LMBR1: variants seen among roughly 807,000 people sequenced by gnomAD.
The protein encoded by LMBR1 is limb region 1 protein homolog.
A neutral mutation model predicts 73.9 loss-of-function variants in LMBR1; 52 were observed. That is an observed-to-expected ratio of 0.70 (90% CI 0.56 to 0.89). LMBR1 has a LOEUF of 0.89. Ranked by LOEUF, LMBR1 falls within the 40% of genes least tolerant of loss-of-function variation. The pLI is 0.00. For missense variants in LMBR1, 539 were observed against 579.8 expected (o/e 0.93, Z 0.72); for synonymous variants, 215 against 209.4 (o/e 1.03, Z -0.23).
chr7:156,864,666 A>G (rs568180733), intron 1 of LMBR1, among the ~76,000 whole-genome samples: 2 of 152,346 alleles, frequency 1.3e-5, no homozygotes, highest in East Asian at 3.9e-4. Flanking sequence ...TTAATTTTCT[A>G]AACCTAGCAA....
chr7:156,809,610 C>CT (rs1231630282), intron 4 of LMBR1, among the ~76,000 whole-genome samples: 1 of 152,162 alleles, frequency 6.6e-6, no homozygotes, highest in Non-Finnish European at 1.5e-5. Context: ...ACACAACCAT[C>CT]TTTTTTTCCA....
intron 15 of LMBR1, among the ~76,000 whole-genome samples, chr7:156,723,268 T>C (rs1170654145): frequency 6.6e-6 from 1 of 152,170 alleles, no homozygotes; most frequent in Non-Finnish European, 1.5e-5. Context: ...CTTCAATAAA[T>C]AATGGAGGCA....
chr7:156,802,119 A>G (rs940091665), intron 4 of LMBR1, among the ~76,000 whole-genome samples: 4 of 152,048 alleles, frequency 2.6e-5, no homozygotes, highest in African/African-American at 2.4e-5. Flanking sequence ...AGTAGCTGGG[A>G]TAACAGGCAC....
chr7:156,788,397 G>A (rs1400181399), intron 5 of LMBR1, among the ~76,000 whole-genome samples: 5 of 152,244 alleles, frequency 3.3e-5, no homozygotes, highest in Non-Finnish European at 7.4e-5. Context: ...AAACATCAGT[G>A]TACCTTTTAT....
rs571805524 is a variant in LMBR1, at chr7:156,867,814, T to G, written c.66+25114A>C. The stretch of plus-strand genomic sequence containing the variant: ...GGATGACTGCTACTGAACATAGGGT[T>G]TGTCTCTGAGATAATGAAAATGTTC... On this transcript the variant is annotated intron_variant, in intron 1 of 16. Coordinates refer to ENST00000353442, the MANE Select transcript of LMBR1 (RefSeq NM_022458.4). 2.0e-5 allele frequency among the ~76,000 whole-genome samples: 3 copies of G among 152,324 alleles called. No homozygotes were observed. The East Asian group carries it at 5.8e-4, about 29-fold the overall frequency.
chr7:156,768,376 GTAAA>G (rs1167824020), intron 5 of LMBR1, among the ~76,000 whole-genome samples: 1 of 151,874 alleles, frequency 6.6e-6, no homozygotes, highest in Non-Finnish European at 1.5e-5. Context: ...AAACAAAAAA[GTAAA>G]TAAATAAATA....
At chr7:156,736,533 T>C (rs1456510456) in intron 9 of LMBR1, 1 of 456,838 alleles carries the variant, frequency 2.2e-6, no homozygotes, top group Non-Finnish European at 4.4e-6. Flanking sequence ...GAATCCATTT[T>C]CCCAAAAGTA....
At chr7:156,758,243 G>A (rs1434595884) in intron 8 of LMBR1, among the ~76,000 whole-genome samples, 1 of 152,216 alleles carries the variant, frequency 6.6e-6, no homozygotes, top group Non-Finnish European at 1.5e-5. Context: ...TGGGGGCCTT[G>A]ATCCAAAGTT....
chr7:156,876,157 C>T (rs1279231522), intron 1 of LMBR1, among the ~76,000 whole-genome samples: 1 of 152,064 alleles, frequency 6.6e-6, no homozygotes, highest in Non-Finnish European at 1.5e-5. Context: ...CAGAAGTGAG[C>T]AGTAGTAGCT....
At chr7:156,675,936 G>C (rs964904765), downstream of LMBR1, 3 of 1,457,714 alleles carry the variant, frequency 2.1e-6, no homozygotes, top group Admixed American at 1.7e-5. Context: ...GTGGCATGTG[G>C]GGGGAGGTCG....
Position 156,833,756 on chromosome 7 carries a change from A to G in LMBR1, c.176T>C (p.Ile59Thr). 1 of 1,599,408 alleles carries G rather than the reference A, an allele frequency of 6.3e-7. No individual in the cohort carries two copies. The highest frequency in any genetic ancestry group is 8.5e-7 in the Non-Finnish European group (1 of 1,172,580). The change falls in exon 3 of 17, where the codon ATT (isoleucine) becomes ACT (threonine). Residue 59 changes from isoleucine (I) to threonine (T), a missense_variant. Physicochemically the swap from Ile to Thr is moderately conservative, Grantham distance 89. This residue lies in a region of LMBR1 where 454 missense variants were observed against 473.4 expected (regional missense o/e 0.96). Transcript: ENST00000353442. ...QEDEDAIVNRISLFLSTFTLA... is the reference protein window; with the variant it reads ...QEDEDAIVNRTSLFLSTFTLA... ...AACTGAACTTTAAAATACATACGAA[A>G]TCCTGTTGACGATGGCATCTTCATC...
At chr7:156,671,368 TATACAC>T (rs1802470136) in intron 4 of LMBR1, among the ~76,000 whole-genome samples, 1 of 152,150 alleles carries the variant, frequency 6.6e-6, no homozygotes, top group Non-Finnish European at 1.5e-5. Context: ...TGTACTATAA[TATACAC>T]ATAAGCTCTT....
rs1163662744 is a variant in LMBR1 at position 156,682,885 on chromosome 7, A to G, written c.*1193T>C. 4 of 152,162 alleles carry G rather than the reference A, an allele frequency of 2.6e-5. No homozygotes were observed. Among genetic ancestry groups the G allele is most frequent in the Non-Finnish European group, 5.9e-5 (4 of 68,018 alleles). The allele number at this position is 152,162 out of a possible 1,614,324, so 9.4% of individuals were successfully genotyped here. A position where few individuals can be genotyped will look rare whatever the true frequency, so the allele number is the denominator to read the frequency against. On this transcript the variant is annotated 3_prime_UTR_variant, in exon 17 of 17. Transcript: ENST00000353442. ...TTGTGTGCAAATGGGCCCATCTCCT[A>G]TTTTTGCATGCACAGATTTCGGTAT... is the stretch of plus-strand genomic sequence containing the variant.
intron 1 of LMBR1, among the ~76,000 whole-genome samples, chr7:156,870,898 C>A (rs1799188778): frequency 6.6e-6 from 1 of 151,948 alleles, no homozygotes; most frequent in African/African-American, 2.4e-5. Context: ...AATAACCTCA[C>A]TTTACAGCTC....
At chr7:156,891,204 AAAAAAAAATAT>A (rs1802855237) in intron 1 of LMBR1, among the ~76,000 whole-genome samples, 4 of 98,166 alleles carry the variant, frequency 4.1e-5, no homozygotes, top group East Asian at 2.5e-4. Context: ...AAAAAAAAAA[AAAAAAAAATAT>A]ATATATATAT....
At chr7:156,756,306 G>T in intron 9 of LMBR1, 87 bp downstream of exon 9, 1 of 711,538 alleles carries the variant, frequency 1.4e-6, no homozygotes. Flanking sequence ...GATTCAGAGA[G>T]GTTTATATTT....
chr7:156,818,138 T>C (rs1380662687), intron 4 of LMBR1, among the ~76,000 whole-genome samples: 1 of 152,252 alleles, frequency 6.6e-6, no homozygotes. Context: ...CATCTATTCA[T>C]AAGTAAATAT....
chr7:156,830,209 A>T (rs988783739), intron 3 of LMBR1, among the ~76,000 whole-genome samples: 5 of 152,126 alleles, frequency 3.3e-5, no homozygotes, highest in Admixed American at 3.3e-4. Context: ...GTGACACTCA[A>T]TTTTTTTAAA....
At chr7:156,821,836 G>T (rs1019114736) in intron 4 of LMBR1, among the ~76,000 whole-genome samples, 2 of 152,148 alleles carry the variant, frequency 1.3e-5, no homozygotes, top group African/African-American at 4.8e-5. Flanking sequence ...TGATGGTAGG[G>T]ACGGAGATCA....
Sources: allele counts gnomAD v4.1 joint callset (sites outside exome capture counted in the v4.1 genomes callset), GRCh38; gene constraint gnomAD v4.1.1; regional missense constraint gnomAD v4.1.1; transcripts MANE v1.5; gene names NCBI Gene and HGNC (gene_info 2026-07-23, HGNC 2026-07-21).